The following GLIS3 variants were observed in gnomAD, a reference collection of about 807,000 sequenced individuals.
The protein encoded by GLIS3 is zinc finger protein GLIS3.
Under a neutral mutation model 78.6 loss-of-function variants are expected in GLIS3, and 53 were observed. That is an observed-to-expected ratio of 0.67 (90% confidence interval 0.54 to 0.85). The LOEUF is 0.85. GLIS3 is among the 40% of genes least tolerant of loss of function. The pLI, the probability that GLIS3 is intolerant of heterozygous loss-of-function variation, is 0.00. For missense variants in GLIS3, 1,703 were observed against 1,231.1 expected, an observed-to-expected ratio of 1.38 and a Z score of -5.74; for synonymous variants, 684 against 509.9, an observed-to-expected ratio of 1.34 and a Z score of -4.60.
At chr9:4,106,382 T>C (rs542389286) in intron 4 of GLIS3, among the ~76,000 whole-genome samples, 1 of 152,126 alleles carries the variant, frequency 6.6e-6, no homozygotes, top group Non-Finnish European at 1.5e-5. Context: ...ACTTTAAACG[T>C]TTCTAAGAAG....
At chr9:4,375,483 G>A in the GLIS3 span, among the ~76,000 whole-genome samples, 1 of 152,200 alleles carries the variant, frequency 6.6e-6, no homozygotes, top group Non-Finnish European at 1.5e-5. Context: ...CTACATTGAA[G>A]ATTAATCTTT....
intron 9 of GLIS3, among the ~76,000 whole-genome samples, chr9:3,840,611 C>G (rs537447276): frequency 6.6e-6 from 1 of 152,266 alleles, no homozygotes; most frequent in African/African-American, 2.4e-5. Flanking sequence ...AATAATAACC[C>G]TGAAAATTCC....
intron 2 of GLIS3, among the ~76,000 whole-genome samples, chr9:4,238,083 G>C (rs1822942636): frequency 6.6e-6 from 1 of 152,134 alleles, no homozygotes; most frequent in African/African-American, 2.4e-5. Context: ...CTATACCAGT[G>C]AGCACAAAGT....
At chr9:3,878,666 G>A (rs1821491073) in intron 8 of GLIS3, 1 of 152,108 alleles carries the variant, frequency 6.6e-6, no homozygotes, top group South Asian at 2.1e-4. Context: ...GATGACAAGT[G>A]GAGAGAGGTG....
chr9:4,068,950 T>A (rs546064639), intron 4 of GLIS3, among the ~76,000 whole-genome samples: 3 of 151,950 alleles, frequency 2.0e-5, no homozygotes, highest in East Asian at 1.9e-4. Flanking sequence ...ATAAGGGATT[T>A]AAAAAAATCA....
the GLIS3 span, among the ~76,000 whole-genome samples, chr9:4,385,480 A>G: frequency 1.3e-5 from 2 of 152,000 alleles, no homozygotes; most frequent in Admixed American, 6.6e-5. Context: ...CTTGGCCAAC[A>G]TGGCATAACC....
In GLIS3 at chr9:4,179,778, C is replaced by T. The variant is rs189449321; in HGVS notation, c.389-53837G>A. 1.4e-3 allele frequency among the ~76,000 whole-genome samples: 216 copies of T among 152,020 alleles called. 1 individual carries two copies. Among genetic ancestry groups the T allele is most frequent in the Admixed American group, 3.1e-3 (48 of 15,260 alleles). On this transcript the variant is annotated intron_variant, in intron 2 of 10. Transcript: ENST00000381971. Reference sequence around the variant, plus strand: ...TTCAAAAATTAGCCGGGTTTGGTGGCGCATGCCTGTAATCCCAGCTACCCA... The same window carrying T: ...TTCAAAAATTAGCCGGGTTTGGTGGTGCATGCCTGTAATCCCAGCTACCCA...
rs547746404 is a variant in GLIS3 at position 4,242,721 on chromosome 9, T to A, written c.388+43317A>T. On this transcript the variant is annotated intron_variant, in intron 2 of 10. Coordinates refer to ENST00000381971, the MANE Select transcript of GLIS3 (RefSeq NM_001042413.2). ...GAAATATAGCTAGTAGGAACAGAGG[T>A]GTGCTGTATAATTACACCCCAGATT... Among the ~76,000 whole-genome samples the A allele has an allele frequency of 3.3e-5, 5 of 152,278 alleles. No individual in the cohort carries two copies. In the East Asian group the frequency reaches 9.7e-4, roughly 29 times the overall value.
chr9:4,301,992 C>CT (rs78812027), upstream of GLIS3, among the ~76,000 whole-genome samples: 1,226 of 132,602 alleles, frequency 9.2e-3, 18 homozygotes, highest in African/African-American at 0.027. Flanking sequence ...GAATTTTTTT[C>CT]TTTTTTTTTT....
At chr9:4,243,297 G>A (rs1224684394) in intron 2 of GLIS3, among the ~76,000 whole-genome samples, 1 of 152,194 alleles carries the variant, frequency 6.6e-6, no homozygotes, top group Non-Finnish European at 1.5e-5. Flanking sequence ...CAGTCAGAGT[G>A]ATTGAGGTGA....
chr9:4,384,966 T>C, the GLIS3 span, among the ~76,000 whole-genome samples: 3 of 152,350 alleles, frequency 2.0e-5, no homozygotes, highest in South Asian at 2.1e-4. Flanking sequence ...CATTCAGCTA[T>C]ACAAGCTTCA....
At position 4,023,143 on chromosome 9, in the gene GLIS3, A is replaced by T. The variant is rs529667836; in HGVS notation, c.1711-85954T>A. On this transcript the variant is annotated intron_variant, in intron 4 of 10. Transcript: ENST00000381971. ...TTTACATATTGAACTCCAGTGATCAAATCTTTTTTAAAAATATACTTAAAA... is the reference window on the plus strand; with the variant it reads ...TTTACATATTGAACTCCAGTGATCATATCTTTTTTAAAAATATACTTAAAA... Among the ~76,000 whole-genome samples, 254 of 152,304 alleles carry T rather than the reference A, an allele frequency of 1.7e-3. 2 individuals carry two copies. The highest frequency in any genetic ancestry group is 5.1e-3 in the African/African-American group (213 of 41,574).
At chr9:4,103,308 G>A (rs1378281314) in intron 4 of GLIS3, among the ~76,000 whole-genome samples, 3 of 152,104 alleles carry the variant, frequency 2.0e-5, no homozygotes, top group African/African-American at 7.2e-5. Context: ...TTTAGAATGT[G>A]AACCTGAGTA....
chr9:4,372,735 A>G, the GLIS3 span, among the ~76,000 whole-genome samples: 4 of 152,204 alleles, frequency 2.6e-5, no homozygotes, highest in South Asian at 2.1e-4. Context: ...AAAGACTCCT[A>G]AAAATAGAAT....
At chr9:4,399,240 A>G in the GLIS3 span, among the ~76,000 whole-genome samples, 2,517 of 152,292 alleles carry the variant, frequency 0.017, 78 homozygotes, top group African/African-American at 0.057. Context: ...ACTCTACATT[A>G]TATGTATCAA....
At chr9:4,227,486 G>T (rs186241645) in intron 2 of GLIS3, among the ~76,000 whole-genome samples, 2 of 152,082 alleles carry the variant, frequency 1.3e-5, no homozygotes, top group African/African-American at 2.4e-5. Flanking sequence ...ATATGGGGCC[G>T]ATCAGTATTC....
the GLIS3 span, among the ~76,000 whole-genome samples, chr9:4,414,395 G>C: frequency 6.6e-6 from 1 of 152,062 alleles, no homozygotes; most frequent in African/African-American, 2.4e-5. Context: ...TCAAATCCTA[G>C]GCCCAACACT....
At chr9:4,382,109 T>C in the GLIS3 span, among the ~76,000 whole-genome samples, 1 of 152,212 alleles carries the variant, frequency 6.6e-6, no homozygotes, top group Admixed American at 6.5e-5. Context: ...TTAGCTCCCT[T>C]GCTTATCTGT....
intron 2 of GLIS3, among the ~76,000 whole-genome samples, chr9:4,183,833 A>G (rs1320095743): frequency 1.3e-5 from 2 of 152,194 alleles, no homozygotes. Flanking sequence ...AGTTGTTTAC[A>G]TGTCTGACTT....
Sources: allele counts gnomAD v4.1 joint callset (sites outside exome capture counted in the v4.1 genomes callset), GRCh38; gene constraint gnomAD v4.1.1; transcripts MANE v1.5; gene names NCBI Gene and HGNC (gene_info 2026-07-23, HGNC 2026-07-21).